Variants in PLXNA4 observed in about 807,000 individuals in gnomAD.
The protein encoded by PLXNA4 is plexin A4.
A neutral mutation model predicts 191.8 loss-of-function variants in PLXNA4; 44 were observed. That is an observed-to-expected ratio of 0.23 (90% confidence interval 0.18 to 0.29). The LOEUF is 0.29. Ranked by LOEUF, PLXNA4 falls within the 10% of genes least tolerant of loss-of-function variation. PLXNA4 has a pLI of 1.00. For synonymous variants in PLXNA4, 1,082 were observed against 1,009.5 expected (o/e 1.07, Z -1.36); for missense variants, 1,800 against 2,488.8 (o/e 0.72, Z 5.89).
At chr7:132,203,069 C>T (rs1797494430) in intron 11 of PLXNA4, among the ~76,000 whole-genome samples, 1 of 152,184 alleles carries the variant, frequency 6.6e-6, no homozygotes, top group Non-Finnish European at 1.5e-5. Flanking sequence ...CTCAGCAGCC[C>T]TTCCCAGGAA....
chr7:132,383,995 A>G (rs1805008736), intron 3 of PLXNA4: 1 of 985,364 alleles, frequency 1.0e-6, no homozygotes, highest in Non-Finnish European at 1.2e-6. Context: ...ATGCAGGTGC[A>G]CATGGCCTGT....
At chr7:132,567,246 T>C (rs1288843758) in intron 1 of PLXNA4, among the ~76,000 whole-genome samples, 1 of 152,124 alleles carries the variant, frequency 6.6e-6, no homozygotes, top group Non-Finnish European at 1.5e-5. Context: ...CCATGGAGGA[T>C]TTTATAGACT....
intron 10 of PLXNA4, among the ~76,000 whole-genome samples, chr7:132,203,975 C>T (rs946223478): frequency 3.3e-5 from 5 of 152,142 alleles, no homozygotes; most frequent in African/African-American, 7.2e-5. Flanking sequence ...GAAGGAGCTA[C>T]ACCCTAGGGG....
chr7:132,444,772 C>G (rs1795832311), intron 3 of PLXNA4, among the ~76,000 whole-genome samples: 2 of 152,118 alleles, frequency 1.3e-5, no homozygotes, highest in Non-Finnish European at 2.9e-5. Flanking sequence ...CCTGAGTGGT[C>G]TGCTGGTCAC....
intron 4 of PLXNA4, among the ~76,000 whole-genome samples, chr7:132,268,590 G>A (rs1414346633): frequency 6.6e-6 from 1 of 152,170 alleles, no homozygotes; most frequent in African/African-American, 2.4e-5. Flanking sequence ...TAGGAGCAGA[G>A]GGGATCACCC....
chr7:132,376,505 C>G (rs1804663572), intron 3 of PLXNA4, among the ~76,000 whole-genome samples: 1 of 152,174 alleles, frequency 6.6e-6, no homozygotes, highest in Non-Finnish European at 1.5e-5. Context: ...ACTATAAACA[C>G]TGATGTTAGG....
chr7:132,328,169 G>C (rs1802446290), intron 3 of PLXNA4, among the ~76,000 whole-genome samples: 2 of 152,148 alleles, frequency 1.3e-5, no homozygotes, highest in South Asian at 4.1e-4. Flanking sequence ...GGTCGGGCGG[G>C]CGCTGGCTTC....
At chr7:132,564,205 TCCTC>T (rs1446280484) in intron 1 of PLXNA4, among the ~76,000 whole-genome samples, 1 of 120,298 alleles carries the variant, frequency 8.3e-6, no homozygotes, top group Non-Finnish European at 1.7e-5. Context: ...CCTCTTCTCC[TCCTC>T]CTTCTCCTTT....
intron 14 of PLXNA4, among the ~76,000 whole-genome samples, chr7:132,190,965 G>A (rs1185239944): frequency 6.6e-6 from 1 of 152,210 alleles, no homozygotes; most frequent in African/African-American, 2.4e-5. Context: ...CACAGCTCAG[G>A]CCTCTGCATT....
intron 1 of PLXNA4, among the ~76,000 whole-genome samples, chr7:132,555,348 T>C (rs1173117130): frequency 6.6e-6 from 1 of 152,166 alleles, no homozygotes; most frequent in Non-Finnish European, 1.5e-5. Flanking sequence ...CCCTTCCCAT[T>C]TGCTTATAGA....
intron 3 of PLXNA4, among the ~76,000 whole-genome samples, chr7:132,321,505 C>T (rs1033457559): frequency 5.9e-5 from 9 of 152,042 alleles, no homozygotes; most frequent in African/African-American, 9.7e-5. Flanking sequence ...AAACAGCAGA[C>T]GGTGGGTCAC....
At chr7:132,598,007 T>G (rs1802749074) in intron 2 of PLXNA4, among the ~76,000 whole-genome samples, 1 of 152,216 alleles carries the variant, frequency 6.6e-6, no homozygotes, top group African/African-American at 2.4e-5. Flanking sequence ...CTATGGAATA[T>G]ATACTCAGGA....
At chr7:132,408,723 C>T (rs1794329395) in intron 3 of PLXNA4, among the ~76,000 whole-genome samples, 1 of 152,150 alleles carries the variant, frequency 6.6e-6, no homozygotes, top group African/African-American at 2.4e-5. Context: ...GCCTCAAACT[C>T]CCAAAGTGCT....
chr7:132,480,697 G>A lies in PLXNA4; in HGVS notation c.1371+8595C>T, dbSNP rs541562309. Among the ~76,000 whole-genome samples, 552 of 152,264 alleles carry A rather than the reference G, an allele frequency of 3.6e-3. 1 individual carries two copies. Among genetic ancestry groups the A allele is most frequent in the Non-Finnish European group, 4.6e-3 (316 of 68,040 alleles). ...GTCCCAGGCAGCAGGCCAGGGGTAAGTGGAAAAGCACAGCTCGGCTGCCTC... is the reference window on the plus strand; with the variant it reads ...GTCCCAGGCAGCAGGCCAGGGGTAAATGGAAAAGCACAGCTCGGCTGCCTC... On this transcript the variant is annotated intron_variant, in intron 3 of 31. Transcript: ENST00000321063.
At chr7:132,631,349 C>T (rs1194135198) in intron 2 of PLXNA4, among the ~76,000 whole-genome samples, 1 of 152,110 alleles carries the variant, frequency 6.6e-6, no homozygotes, top group Non-Finnish European at 1.5e-5. Flanking sequence ...GTGCCTTAGT[C>T]CTATTGAGTC....
intron 3 of PLXNA4, among the ~76,000 whole-genome samples, chr7:132,442,068 C>T (rs1470166027): frequency 6.6e-6 from 1 of 152,318 alleles, no homozygotes; most frequent in South Asian, 2.1e-4. Flanking sequence ...TGGAGAACCA[C>T]GTGCTCACCC....
intron 3 of PLXNA4, among the ~76,000 whole-genome samples, chr7:132,333,281 C>T (rs1802668263): frequency 6.6e-6 from 1 of 152,192 alleles, no homozygotes; most frequent in African/African-American, 2.4e-5. Flanking sequence ...GACTCCCACC[C>T]AATGACAATT....
upstream of PLXNA4, among the ~76,000 whole-genome samples, chr7:132,580,735 A>C (rs770389374): frequency 3.3e-5 from 5 of 152,220 alleles, no homozygotes; most frequent in African/African-American, 4.8e-5. Flanking sequence ...ATTTAAGTTG[A>C]TAAAAGCCAG....
intron 1 of PLXNA4, among the ~76,000 whole-genome samples, chr7:132,537,501 T>C (rs1563158742): frequency 6.6e-6 from 1 of 152,252 alleles, no homozygotes; most frequent in African/African-American, 2.4e-5. Flanking sequence ...CCCAAGTTCC[T>C]ATTTCAAAAA....
Sources: gnomAD v4.1 joint callset for allele counts (sites outside exome capture counted in the v4.1 genomes callset) on GRCh38, gnomAD v4.1.1 for gene constraint, MANE v1.5 for transcripts, NCBI Gene and HGNC (gene_info 2026-07-23, HGNC 2026-07-21) for gene names.